Variants in CHM observed in about 807,000 individuals in gnomAD.
CHM encodes the protein rab proteins geranylgeranyltransferase component A 1.
CHM carries 10 observed loss-of-function variants against 49.0 expected under a neutral mutation model. The ratio of observed to expected loss-of-function variants is 0.20; its 90% CI spans 0.13 to 0.35. The LOEUF (loss-of-function observed/expected upper bound fraction) is 0.35, where lower values mean the gene tolerates loss of function less well. Ranked by LOEUF, CHM falls within the 10% of genes least tolerant of loss-of-function variation. The pLI, the probability that CHM is intolerant of heterozygous loss-of-function variation, is 1.00. For missense variants in CHM, 455 were observed against 478.4 expected (o/e 0.95, Z 0.46); for synonymous variants, 184 against 167.5 (o/e 1.10, Z -0.76).
chrX:85,940,754 G>T (rs1216792945), intron 8 of CHM, among the ~76,000 whole-genome samples: 2 of 111,782 alleles, frequency 1.8e-5, no homozygotes, highest in Non-Finnish European at 3.8e-5. Context: ...ACTACTGATG[G>T]TTATTGGCTT....
intron 1 of CHM, among the ~76,000 whole-genome samples, chrX:86,027,850 G>A (rs1029741563): frequency 1.8e-5 from 2 of 109,781 alleles, no homozygotes; most frequent in Non-Finnish European, 3.8e-5. Flanking sequence ...TGCAACCTCC[G>A]ACTCCCTGGT....
intron 4 of CHM, among the ~76,000 whole-genome samples, chrX:85,965,877 T>C (rs989948268): frequency 7.2e-5 from 8 of 111,797 alleles, no homozygotes; most frequent in African/African-American, 2.3e-4. Flanking sequence ...ACACCCACTT[T>C]GTTCTATCCT....
At chrX:85,870,086 C>A (rs1050184608) in intron 14 of CHM, among the ~76,000 whole-genome samples, 1 of 111,710 alleles carries the variant, frequency 9.0e-6, no homozygotes, top group African/African-American at 3.3e-5. Context: ...GAGTTTAATT[C>A]TTGGCTCAAG....
chrX:85,998,434 G>A (rs1932548633), intron 2 of CHM, among the ~76,000 whole-genome samples: 2 of 111,667 alleles, frequency 1.8e-5, no homozygotes, highest in South Asian at 7.4e-4. Context: ...CATTTTTCAT[G>A]TATACAGATG....
intron 2 of CHM, among the ~76,000 whole-genome samples, chrX:86,013,253 G>A (rs899294637): frequency 9.0e-5 from 10 of 110,862 alleles, no homozygotes; most frequent in Middle Eastern, 4.2e-3. Context: ...AAAAGAGCTC[G>A]GGGAACCACC....
intron 8 of CHM, among the ~76,000 whole-genome samples, chrX:85,927,304 G>C (rs751256925): frequency 1.5e-4 from 17 of 111,660 alleles, no homozygotes; most frequent in African/African-American, 5.2e-4. Context: ...CTTGTAGTTA[G>C]TATCACCAGC....
chrX:85,872,817 C>A (rs937262929), intron 14 of CHM, among the ~76,000 whole-genome samples: 1 of 111,753 alleles, frequency 8.9e-6, no homozygotes, highest in Non-Finnish European at 1.9e-5. Flanking sequence ...CACGATGGAA[C>A]TCATAAAAAA....
At chrX:86,045,331 A>C (rs1256342768) in intron 1 of CHM, among the ~76,000 whole-genome samples, 3 of 112,295 alleles carry the variant, frequency 2.7e-5, no homozygotes, top group Admixed American at 9.4e-5. Context: ...AAATCAAATT[A>C]AATCATGATT....
intron 8 of CHM, among the ~76,000 whole-genome samples, chrX:85,950,445 G>A (rs957513769): frequency 9.1e-6 from 1 of 110,112 alleles, no homozygotes; most frequent in African/African-American, 3.3e-5. Context: ...GAAAATGAAT[G>A]GGTTACAGGT....
At chrX:86,000,568 C>T (rs1410062448) in intron 2 of CHM, among the ~76,000 whole-genome samples, 2 of 103,161 alleles carry the variant, frequency 1.9e-5, no homozygotes, top group East Asian at 6.2e-4. Context: ...TGCAGCACTA[C>T]TCACAACAGC....
intron 2 of CHM, among the ~76,000 whole-genome samples, chrX:85,984,063 G>A (rs911245564): frequency 9.1e-6 from 1 of 109,689 alleles, no homozygotes; most frequent in African/African-American, 3.3e-5. Context: ...TTAGCCGGGC[G>A]TAGTGGCACA....
intron 2 of CHM, among the ~76,000 whole-genome samples, chrX:86,007,210 G>A (rs1248414677): frequency 8.9e-6 from 1 of 112,037 alleles, no homozygotes; most frequent in Non-Finnish European, 1.9e-5. Context: ...TAGCCATATG[G>A]AGAAAGCTGA....
intron 8 of CHM, among the ~76,000 whole-genome samples, chrX:85,939,033 C>G (rs762806284): frequency 8.9e-6 from 1 of 112,176 alleles, no homozygotes; most frequent in Non-Finnish European, 1.9e-5. Context: ...TACACAAATA[C>G]TTATCATTAT....
chrX:85,899,386 C>T (rs911938617), intron 11 of CHM, among the ~76,000 whole-genome samples: 1 of 111,419 alleles, frequency 9.0e-6, no homozygotes, highest in African/African-American at 3.3e-5. Flanking sequence ...GGGTTGGCTA[C>T]TGTCTTTTCC....
chrX:85,970,355 T>C (rs764042377), intron 4 of CHM: 86 of 746,043 alleles, frequency 1.2e-4, no homozygotes, highest in Non-Finnish European at 1.3e-4. Flanking sequence ...TACAATACTA[T>C]ATAGTATTCC....
intron 1 of CHM, among the ~76,000 whole-genome samples, chrX:86,043,100 AC>A (rs1201956810): frequency 5.4e-5 from 6 of 112,138 alleles, no homozygotes; most frequent in Non-Finnish European, 7.5e-5. Flanking sequence ...TTTCTCAAGG[AC>A]ATGGTGTCAT....
intron 2 of CHM, among the ~76,000 whole-genome samples, chrX:86,010,808 T>C (rs1251042799): frequency 8.9e-6 from 1 of 111,860 alleles, no homozygotes; most frequent in Non-Finnish European, 1.9e-5. Context: ...GCAAAGTTAG[T>C]GTGGTATATT....
chrX:85,957,697 T>C (rs955642832), intron 7 of CHM, among the ~76,000 whole-genome samples, 158 bp downstream of exon 7: 2 of 111,326 alleles, frequency 1.8e-5, no homozygotes, highest in African/African-American at 6.5e-5. Context: ...TTAATTTAAA[T>C]TTAAATAGCT....
At position 85,862,224 on chromosome X, in the gene CHM, A is replaced by G. The variant is rs988906819; in HGVS notation, c.*2406T>C. 1.1e-4 allele frequency: 12 copies of G among 112,354 alleles called. No individual in the cohort carries two copies. Among genetic ancestry groups the G allele is most frequent in the African/African-American group, 3.9e-4 (12 of 30,879 alleles). The allele number at this position is 112,354 out of a possible 1,213,427, so 9.3% of individuals were successfully genotyped here. ...CAAACTATCTCCTCCATTGTTCTAC[A>G]TATAGGTGGCTGCAGTAAGGCCAAT... On this transcript the variant is annotated 3_prime_UTR_variant, in exon 15 of 15. Coordinates refer to ENST00000357749, the MANE Select transcript of CHM (RefSeq NM_000390.4).
Sources: gnomAD v4.1 joint callset for allele counts (sites outside exome capture counted in the v4.1 genomes callset) on GRCh38, gnomAD v4.1.1 for gene constraint, MANE v1.5 for transcripts, NCBI Gene and HGNC (gene_info 2026-07-23, HGNC 2026-07-21) for gene names.